The following STK32B variants were observed in gnomAD, a reference collection of about 807,000 sequenced individuals.
STK32B encodes serine/threonine kinase 32B.
A neutral mutation model predicts 52.6 loss-of-function variants in STK32B; 43 were observed. The observed-to-expected ratio is 0.82, with a 90% confidence interval of 0.64 to 1.05. STK32B has a LOEUF of 1.05. Among genes scored for constraint, STK32B ranks in the 50% least tolerant of loss-of-function variants. STK32B has a pLI of 0.00. For missense variants in STK32B, 621 were observed against 534.6 expected (o/e 1.16, Z -1.59); for synonymous variants, 238 against 204.3 (o/e 1.17, Z -1.41).
At chr4:5,182,623 G>A (rs1212271187) in intron 3 of STK32B, among the ~76,000 whole-genome samples, 6 of 151,896 alleles carry the variant, frequency 4.0e-5, no homozygotes, top group Non-Finnish European at 8.8e-5. Context: ...CACCATGCCT[G>A]GCTATTTGTA....
intron 3 of STK32B, among the ~76,000 whole-genome samples, chr4:5,217,226 A>G (rs1237173838): frequency 6.6e-6 from 1 of 152,174 alleles, no homozygotes; most frequent in African/African-American, 2.4e-5. Flanking sequence ...ATTTTTCATT[A>G]TTTCAGGCTT....
chr4:5,267,449 C>T (rs1339014542), intron 3 of STK32B, among the ~76,000 whole-genome samples: 1 of 152,104 alleles, frequency 6.6e-6, no homozygotes, highest in Non-Finnish European at 1.5e-5. Context: ...AGCTTTGTAT[C>T]TAGGTAGGGA....
chr4:5,102,485 C>G (rs1368726116), intron 1 of STK32B, among the ~76,000 whole-genome samples: 1 of 135,282 alleles, frequency 7.4e-6, no homozygotes, highest in Non-Finnish European at 1.6e-5. Context: ...TCCTTCCTTC[C>G]TTCCTTCCCT....
chr4:5,256,597 C>T (rs59470074), intron 3 of STK32B, among the ~76,000 whole-genome samples: 19,157 of 152,176 alleles, frequency 0.13, 3,319 homozygotes, highest in African/African-American at 0.39. Flanking sequence ...CCAGCTGCCC[C>T]GTCTGTCTAA....
chr4:5,351,647 C>T (rs1733832733), intron 4 of STK32B, among the ~76,000 whole-genome samples: 1 of 151,628 alleles, frequency 6.6e-6, no homozygotes, highest in East Asian at 1.9e-4. Flanking sequence ...AGGGACTAAA[C>T]AAATACAAAT....
chr4:5,397,636 CTG>C (rs1737004185), intron 4 of STK32B, among the ~76,000 whole-genome samples: 1 of 152,184 alleles, frequency 6.6e-6, no homozygotes, highest in Non-Finnish European at 1.5e-5. Context: ...GCGTGCTCCT[CTG>C]TGTGTCTGTG....
At chr4:5,119,936 A>G (rs906278016) in intron 1 of STK32B, among the ~76,000 whole-genome samples, 1 of 152,228 alleles carries the variant, frequency 6.6e-6, no homozygotes, top group African/African-American at 2.4e-5. Flanking sequence ...ACTCAAGTAC[A>G]TTAGTCCCCC....
chr4:5,435,241 T>C (rs1227345304), intron 6 of STK32B, among the ~76,000 whole-genome samples: 2 of 152,188 alleles, frequency 1.3e-5, no homozygotes, highest in Non-Finnish European at 1.5e-5. Flanking sequence ...CCTTGGGGAA[T>C]TGTATTCATT....
intron 2 of STK32B, among the ~76,000 whole-genome samples, chr4:5,155,956 CAT>C (rs1486418216): frequency 6.6e-6 from 1 of 152,020 alleles, no homozygotes; most frequent in African/African-American, 2.4e-5. Flanking sequence ...TATACATATA[CAT>C]AGATATGCAT....
In STK32B at chr4:5,339,548, T is replaced by G. The variant is rs567569086; in HGVS notation, c.434+8155T>G. On this transcript the variant is annotated intron_variant, in intron 4 of 11. Coordinates refer to ENST00000282908, the MANE Select transcript of STK32B (RefSeq NM_018401.3). ...TTTCCATCAATTCAAGAGCTGAATT[T>G]ATGAATCCTCCACTGCGTATGTACC... 2.0e-4 allele frequency among the ~76,000 whole-genome samples: 31 copies of G among 152,298 alleles called. No homozygotes were observed. In the South Asian group the frequency reaches 5.6e-3, roughly 28 times the overall value.
intron 11 of STK32B, among the ~76,000 whole-genome samples, chr4:5,475,938 A>G (rs1251073845): frequency 6.6e-6 from 1 of 151,840 alleles, no homozygotes; most frequent in African/African-American, 2.4e-5. Context: ...CTCGTCGCCC[A>G]GGCTGGAGTG....
intron 4 of STK32B, among the ~76,000 whole-genome samples, chr4:5,390,123 GTGT>G: frequency 1.3e-5 from 2 of 152,380 alleles, no homozygotes; most frequent in South Asian, 4.1e-4. Flanking sequence ...GAATGAAGGT[GTGT>G]TGTTTGGACT....
At chr4:5,155,224 T>G (rs1717715629) in intron 2 of STK32B, among the ~76,000 whole-genome samples, 1 of 152,194 alleles carries the variant, frequency 6.6e-6, no homozygotes, top group South Asian at 2.1e-4. Context: ...GCCCACCCTC[T>G]TCGTCTCCAC....
chr4:5,450,012 G>T (rs149720701), intron 7 of STK32B, among the ~76,000 whole-genome samples: 2 of 152,132 alleles, frequency 1.3e-5, no homozygotes, highest in East Asian at 3.9e-4. Context: ...AACCATCCCC[G>T]CAACCCTAGT....
chr4:5,441,298 A>G (rs1714721069), intron 6 of STK32B, among the ~76,000 whole-genome samples: 1 of 151,796 alleles, frequency 6.6e-6, no homozygotes, highest in African/African-American at 2.4e-5. Context: ...TTATTGGTCT[A>G]TTCAGAGATT....
At chr4:5,357,889 G>A (rs1560349239) in intron 4 of STK32B, among the ~76,000 whole-genome samples, 4 of 152,004 alleles carry the variant, frequency 2.6e-5, no homozygotes, top group Non-Finnish European at 5.9e-5. Flanking sequence ...GTTAAAGAAC[G>A]ACTTAAGCAG....
chr4:5,208,293 T>A (rs1280333970), intron 3 of STK32B, among the ~76,000 whole-genome samples: 1 of 152,210 alleles, frequency 6.6e-6, no homozygotes, highest in African/African-American at 2.4e-5. Flanking sequence ...AATAAATTTC[T>A]ACCCCTTGCC....
intron 6 of STK32B, among the ~76,000 whole-genome samples, chr4:5,424,707 A>C (rs1560399924): frequency 6.6e-6 from 1 of 152,166 alleles, no homozygotes; most frequent in African/African-American, 2.4e-5. Flanking sequence ...CATGTACCTC[A>C]TTCTTCCTGG....
intron 9 of STK32B, among the ~76,000 whole-genome samples, chr4:5,463,174 C>G (rs534818409): frequency 3.3e-5 from 5 of 152,252 alleles, no homozygotes; most frequent in African/African-American, 1.2e-4. Flanking sequence ...GAGAAATATG[C>G]CCGCCTTCTT....
Sources: allele counts gnomAD v4.1 joint callset (sites outside exome capture counted in the v4.1 genomes callset), GRCh38; gene constraint gnomAD v4.1.1; transcripts MANE v1.5; gene names NCBI Gene and HGNC (gene_info 2026-07-23, HGNC 2026-07-21).